TRAPPC9: variants seen among roughly 807,000 people sequenced by gnomAD.
TRAPPC9 encodes the protein IKK2 binding protein.
Under a neutral mutation model 124.0 loss-of-function variants are expected in TRAPPC9, and 83 were observed. That is an observed-to-expected ratio of 0.67 (90% CI 0.56 to 0.80). The LOEUF (loss-of-function observed/expected upper bound fraction) is 0.80, where lower values mean the gene tolerates loss of function less well. Ranked by LOEUF, TRAPPC9 falls within the 30% of genes least tolerant of loss-of-function variation. The probability of loss-of-function intolerance (pLI) is 0.00; values close to 1 mark genes in which losing one functional copy is unlikely to be tolerated. For missense variants in TRAPPC9, 1,302 were observed against 1,508.3 expected, an observed-to-expected ratio of 0.86 and a Z score of 2.27; for synonymous variants, 638 against 617.5, an observed-to-expected ratio of 1.03 and a Z score of -0.49.
intron 21 of TRAPPC9, among the ~76,000 whole-genome samples, chr8:139,820,699 A>G (rs1251982631): frequency 6.6e-6 from 1 of 152,366 alleles, no homozygotes; most frequent in African/African-American, 2.4e-5. Flanking sequence ...TGGCATTAGC[A>G]CAGCAGTCTT....
At chr8:140,067,544 G>A (rs763416149) in intron 17 of TRAPPC9, among the ~76,000 whole-genome samples, 2 of 152,160 alleles carry the variant, frequency 1.3e-5, no homozygotes, top group African/African-American at 2.4e-5. Context: ...GTCCACTTAC[G>A]TGAGGACAGA....
At position 139,874,346 on chromosome 8, in the gene TRAPPC9, T is replaced by A. The variant is rs751307; in HGVS notation, c.3055+11533A>T. On this transcript the variant is annotated intron_variant, in intron 21 of 22. Transcript: ENST00000438773. Reference sequence around the variant, plus strand: ...ACTCTTTGATGGAGTCAGCAAACCCTTACTGAGCACCCGCAGGTGCTGAGG... The same window carrying A: ...ACTCTTTGATGGAGTCAGCAAACCCATACTGAGCACCCGCAGGTGCTGAGG... Among the ~76,000 whole-genome samples the A allele has an allele frequency of 5.7e-4, 87 of 152,064 alleles. 2 individuals are homozygous for A. Among genetic ancestry groups the A allele is most frequent in the Admixed American group, 5.4e-3 (83 of 15,286 alleles).
chr8:139,777,867 A>G (rs919702745), intron 21 of TRAPPC9, among the ~76,000 whole-genome samples: 2 of 152,226 alleles, frequency 1.3e-5, no homozygotes, highest in African/African-American at 4.8e-5. Context: ...TGGGGACCTC[A>G]GGGGCACCCC....
chr8:140,013,430 T>C (rs1434467600), intron 18 of TRAPPC9, among the ~76,000 whole-genome samples: 1 of 152,266 alleles, frequency 6.6e-6, no homozygotes, highest in African/African-American at 2.4e-5. Flanking sequence ...CAAATCTAGT[T>C]GTTCTGTCTC....
At chr8:140,010,254 T>C (rs375332643) in intron 18 of TRAPPC9, among the ~76,000 whole-genome samples, 1 of 152,120 alleles carries the variant, frequency 6.6e-6, no homozygotes, top group Non-Finnish European at 1.5e-5. Flanking sequence ...AAAAAACATA[T>C]GAAAGATGGA....
intron 21 of TRAPPC9, among the ~76,000 whole-genome samples, chr8:139,849,896 A>T (rs1352708508): frequency 2.0e-5 from 3 of 152,208 alleles, no homozygotes; most frequent in African/African-American, 7.2e-5. Context: ...TCCGACCTGA[A>T]GGAGGCCCTG....
intron 2 of TRAPPC9, among the ~76,000 whole-genome samples, chr8:140,443,391 G>C (rs529822808): frequency 9.3e-5 from 14 of 150,642 alleles, no homozygotes; most frequent in South Asian, 2.1e-4. Context: ...AGCCAAGATC[G>C]CGCCACTGCA....
chr8:140,339,829 C>T (rs1280987419), intron 9 of TRAPPC9, among the ~76,000 whole-genome samples: 1 of 152,138 alleles, frequency 6.6e-6, no homozygotes, highest in Non-Finnish European at 1.5e-5. Flanking sequence ...TAAGTACCTG[C>T]AACATACCAC....
chr8:140,035,228 T>C (rs1428017707), intron 17 of TRAPPC9, among the ~76,000 whole-genome samples: 2 of 152,250 alleles, frequency 1.3e-5, no homozygotes, highest in Non-Finnish European at 2.9e-5. Context: ...ACTCATTTAG[T>C]TATGAGAAAC....
At chr8:139,847,232 G>A (rs1435538253) in intron 21 of TRAPPC9, among the ~76,000 whole-genome samples, 1 of 152,174 alleles carries the variant, frequency 6.6e-6, no homozygotes, top group Non-Finnish European at 1.5e-5. Context: ...CTGGCTGATG[G>A]GAGACAGCAA....
intron 9 of TRAPPC9, among the ~76,000 whole-genome samples, chr8:140,332,098 T>C (rs1437039772): frequency 1.3e-5 from 2 of 152,038 alleles, no homozygotes; most frequent in African/African-American, 4.8e-5. Flanking sequence ...GAGGACTAGA[T>C]AAGGAAAATG....
chr8:140,218,982 C>T (rs943561373), intron 17 of TRAPPC9, among the ~76,000 whole-genome samples: 2 of 149,682 alleles, frequency 1.3e-5, no homozygotes, highest in Non-Finnish European at 3.0e-5. Flanking sequence ...AAAAAAAAAA[C>T]TGGATTTTAG....
At chr8:139,791,920 GCC>G in intron 21 of TRAPPC9, among the ~76,000 whole-genome samples, 1 of 152,160 alleles carries the variant, frequency 6.6e-6, no homozygotes, top group Non-Finnish European at 1.5e-5. Flanking sequence ...TGTGGAAGGA[GCC>G]CCTCGACAAG....
chr8:139,934,544 GT>G (rs1400194019), intron 19 of TRAPPC9, among the ~76,000 whole-genome samples: 2 of 152,174 alleles, frequency 1.3e-5, no homozygotes, highest in Non-Finnish European at 1.5e-5. Flanking sequence ...TGTAGAGAGA[GT>G]TTTTTACTTA....
At position 140,338,719 on chromosome 8, in the gene TRAPPC9, G is replaced by A. The variant is rs191435557; in HGVS notation, c.1495+21331C>T. ...GAAGACGGCCACCTACAGGCCGACG[G>A]GAAACGGCTCAGAGAAAACCACCGC... On this transcript the variant is annotated intron_variant, in intron 9 of 22. Transcript: ENST00000438773. Among the ~76,000 whole-genome samples the A allele has an allele frequency of 1.3e-3, 202 of 151,160 alleles. 2 individuals carry two copies. Among genetic ancestry groups the A allele is most frequent in the East Asian group, 1.4e-3 (7 of 5,054 alleles).
chr8:140,284,561 A>T (rs2065431208), intron 13 of TRAPPC9, among the ~76,000 whole-genome samples: 1 of 152,222 alleles, frequency 6.6e-6, no homozygotes, highest in South Asian at 2.1e-4. Context: ...CATGTTAAAA[A>T]AAAAGTCCAC....
rs35318201 is a variant in TRAPPC9, at chr8:140,221,542, G to A, written c.2473C>T (p.Arg825Trp). 5.7e-5 allele frequency: 92 copies of A among 1,614,130 alleles called. No homozygotes were observed. The highest frequency in any genetic ancestry group is 7.1e-5 in the Non-Finnish European group (84 of 1,179,986). The change falls in exon 17 of 23, where the codon CGG (arginine) becomes TGG (tryptophan). Residue 825 changes from arginine to tryptophan, a missense_variant. This residue lies in a region of TRAPPC9 where 640 missense variants were observed against 679.3 expected (regional missense o/e 0.94). Coordinates refer to ENST00000438773, the MANE Select transcript of TRAPPC9 (RefSeq NM_001160372.4). ...TCCACTCGGGGCCGAACGACCTGCC[G>A]AAAAGGACTGGACAGGGGAAAGCCA... is the stretch of plus-strand genomic sequence containing the variant. ...VSGFPLSSPF[R>W]QVVRPRVEGK...
chr8:139,811,194 T>C (rs1824424829), intron 21 of TRAPPC9, among the ~76,000 whole-genome samples: 1 of 152,112 alleles, frequency 6.6e-6, no homozygotes, highest in African/African-American at 2.4e-5. Flanking sequence ...GAAGAGCTCT[T>C]GGAAATTAAA....
intron 8 of TRAPPC9, among the ~76,000 whole-genome samples, chr8:140,365,008 A>G (rs1489560229): frequency 6.6e-6 from 1 of 150,726 alleles, no homozygotes; most frequent in East Asian, 2.0e-4. Flanking sequence ...GGCCTGCCCT[A>G]GCAACACACA....
Sources: allele counts gnomAD v4.1 joint callset (sites outside exome capture counted in the v4.1 genomes callset), GRCh38; gene constraint gnomAD v4.1.1; regional missense constraint gnomAD v4.1.1; transcripts MANE v1.5; gene names NCBI Gene and HGNC (gene_info 2026-07-23, HGNC 2026-07-21).